Variants in EFNA5 observed in about 807,000 individuals in gnomAD.
EFNA5 encodes the protein ephrin A5, also known as ephrin-A5.
EFNA5 carries 5 observed loss-of-function variants against 22.9 expected under a neutral mutation model. The ratio of observed to expected loss-of-function variants is 0.22; its 90% confidence interval spans 0.11 to 0.46. EFNA5 has a LOEUF of 0.46. Among genes scored for constraint, EFNA5 ranks in the 20% least tolerant of loss-of-function variants. The pLI is 0.99. For synonymous variants in EFNA5, 113 were observed against 112.2 expected, an observed-to-expected ratio of 1.01 and a Z score of -0.04; for missense variants, 237 against 293.3, an observed-to-expected ratio of 0.81 and a Z score of 1.40.
intron 1 of EFNA5, among the ~76,000 whole-genome samples, chr5:107,543,574 G>T (rs1748089289): frequency 6.6e-6 from 1 of 152,112 alleles, no homozygotes; most frequent in African/African-American, 2.4e-5. Flanking sequence ...ATAAAAAAGT[G>T]CTCTGATTAA....
At chr5:107,411,059 A>G (rs1244113633) in intron 2 of EFNA5, among the ~76,000 whole-genome samples, 2 of 151,684 alleles carry the variant, frequency 1.3e-5, no homozygotes, top group Admixed American at 1.3e-4. Flanking sequence ...TAATTTGTTG[A>G]CCACAGCTAA....
At chr5:107,531,707 G>C (rs775425284) in intron 1 of EFNA5, among the ~76,000 whole-genome samples, 5 of 152,050 alleles carry the variant, frequency 3.3e-5, no homozygotes, top group Admixed American at 1.3e-4. Flanking sequence ...TCAGCGTTTG[G>C]GTGTGCAGTA....
intron 1 of EFNA5, among the ~76,000 whole-genome samples, chr5:107,540,135 G>A (rs983373367): frequency 2.0e-5 from 3 of 152,054 alleles, no homozygotes; most frequent in Middle Eastern, 6.3e-3. Flanking sequence ...GCTCTATCCT[G>A]GGGGTGAAGA....
At chr5:107,501,446 A>G (rs1423861683) in intron 1 of EFNA5, among the ~76,000 whole-genome samples, 2 of 151,832 alleles carry the variant, frequency 1.3e-5, no homozygotes, top group Non-Finnish European at 2.9e-5. Flanking sequence ...AGATGACATA[A>G]AAGTACAGAT....
At chr5:107,486,474 G>C (rs1348001668) in intron 1 of EFNA5, among the ~76,000 whole-genome samples, 2 of 152,168 alleles carry the variant, frequency 1.3e-5, no homozygotes, top group African/African-American at 4.8e-5. Context: ...AGTGGTTCGG[G>C]TAACTTATGG....
chr5:107,637,771 T>C (rs1187536352), intron 1 of EFNA5, among the ~76,000 whole-genome samples: 1 of 149,136 alleles, frequency 6.7e-6, no homozygotes, highest in Non-Finnish European at 1.5e-5. Flanking sequence ...TATGTAATAA[T>C]ATATATAATC....
chr5:107,461,374 G>A (rs957356976), intron 1 of EFNA5, among the ~76,000 whole-genome samples: 3 of 152,074 alleles, frequency 2.0e-5, no homozygotes, highest in Admixed American at 2.0e-4. Flanking sequence ...TTCTTTAAGG[G>A]CAGCAAGGTA....
chr5:107,571,687 A>G (rs957514289), intron 1 of EFNA5, among the ~76,000 whole-genome samples: 12 of 152,136 alleles, frequency 7.9e-5, no homozygotes, highest in Non-Finnish European at 1.6e-4. Context: ...AATTTTCATG[A>G]TCCAGTTTCC....
At chr5:107,593,406 C>T (rs1270042703) in intron 1 of EFNA5, among the ~76,000 whole-genome samples, 3 of 152,140 alleles carry the variant, frequency 2.0e-5, no homozygotes, top group Admixed American at 6.5e-5. Flanking sequence ...ATGACTCTAA[C>T]GTGGTCGATA....
intron 1 of EFNA5, among the ~76,000 whole-genome samples, chr5:107,667,846 C>T (rs1456895457): frequency 6.6e-6 from 1 of 152,114 alleles, no homozygotes; most frequent in Non-Finnish European, 1.5e-5. Flanking sequence ...AATTGCACAA[C>T]AGTGAATTTA....
intron 1 of EFNA5, among the ~76,000 whole-genome samples, chr5:107,571,319 A>T (rs1317811151): frequency 6.6e-6 from 1 of 152,118 alleles, no homozygotes; most frequent in African/African-American, 2.4e-5. Context: ...GTTCAAGAAA[A>T]GGCTCCCAGT....
intron 1 of EFNA5, among the ~76,000 whole-genome samples, chr5:107,572,863 G>A (rs557958795): frequency 1.1e-4 from 17 of 152,152 alleles, no homozygotes; most frequent in South Asian, 1.0e-3. Flanking sequence ...AGATCAGCCC[G>A]CTGTCCCTTA....
At chr5:107,668,530 C>T (rs1028019790) in intron 1 of EFNA5, among the ~76,000 whole-genome samples, 1 of 151,936 alleles carries the variant, frequency 6.6e-6, no homozygotes, top group Non-Finnish European at 1.5e-5. Context: ...CCGTTTTAAC[C>T]CAGGAAGACT....
chr5:107,528,898 T>A (rs1308111930), intron 1 of EFNA5, among the ~76,000 whole-genome samples: 3 of 152,194 alleles, frequency 2.0e-5, no homozygotes, highest in African/African-American at 7.2e-5. Flanking sequence ...GAAGCTTTAT[T>A]TGTATAGAAT....
chr5:107,443,807 C>T (rs906336736), intron 1 of EFNA5, among the ~76,000 whole-genome samples: 6 of 152,086 alleles, frequency 3.9e-5, no homozygotes, highest in Admixed American at 1.3e-4. Flanking sequence ...CAGCAAACTA[C>T]CATGGCACAT....
chr5:107,576,733 A>G (rs1748937074), intron 1 of EFNA5, among the ~76,000 whole-genome samples: 1 of 152,228 alleles, frequency 6.6e-6, no homozygotes, highest in Non-Finnish European at 1.5e-5. Flanking sequence ...ATTATTTACT[A>G]CATGAGAATG....
intron 1 of EFNA5, among the ~76,000 whole-genome samples, chr5:107,551,290 G>C (rs980237907): frequency 6.6e-6 from 1 of 152,308 alleles, no homozygotes; most frequent in Non-Finnish European, 1.5e-5. Context: ...GCCAGTGTTT[G>C]TTTGAAGGCC....
At chr5:107,504,377 C>T (rs1365986051) in intron 1 of EFNA5, among the ~76,000 whole-genome samples, 3 of 152,046 alleles carry the variant, frequency 2.0e-5, no homozygotes, top group African/African-American at 7.2e-5. Context: ...GAAGAGGATA[C>T]ATTTTTAGTG....
chr5:107,534,411 T>C (rs1451001815), intron 1 of EFNA5, among the ~76,000 whole-genome samples: 1 of 152,214 alleles, frequency 6.6e-6, no homozygotes, highest in Non-Finnish European at 1.5e-5. Context: ...GTTTTATGTC[T>C]AGTCCTGGAA....
Sources: allele counts gnomAD v4.1 joint callset (sites outside exome capture counted in the v4.1 genomes callset), GRCh38; gene constraint gnomAD v4.1.1; transcripts MANE v1.5; gene names NCBI Gene and HGNC (gene_info 2026-07-23, HGNC 2026-07-21).